Variants in DNA2 observed in about 807,000 individuals in gnomAD.
DNA2 encodes the protein DNA replication helicase/nuclease 2.
A neutral mutation model predicts 119.1 loss-of-function variants in DNA2; 101 were observed. The ratio of observed to expected loss-of-function variants is 0.85; its 90% CI spans 0.72 to 1.00. DNA2 has a LOEUF of 1.00. Among genes scored for constraint, DNA2 ranks in the 50% least tolerant of loss-of-function variants. The pLI, the probability that DNA2 is intolerant of heterozygous loss-of-function variation, is 0.00. For synonymous variants in DNA2, 366 were observed against 424.4 expected, an observed-to-expected ratio of 0.86 and a Z score of 1.69; for missense variants, 1,121 against 1,255.5, an observed-to-expected ratio of 0.89 and a Z score of 1.62.
intron 2 of DNA2, 102 bp from the exon 3 acceptor site, chr10:68,468,408 G>T: frequency 1.4e-6 from 1 of 736,856 alleles, no homozygotes; most frequent in Non-Finnish European, 1.9e-6. Flanking sequence ...TTTATCTGAA[G>T]AAGAAAAAAA....
chr10:68,465,923 T>C (rs1053395677), intron 3 of DNA2, 111 bp from the exon 4 acceptor site: 20 of 1,015,500 alleles, frequency 2.0e-5, no homozygotes, highest in Admixed American at 4.1e-5. Context: ...GTAAGACAAA[T>C]GCCAAAATAT....
chr10:68,448,774 T>TTTTA (rs964595076), intron 6 of DNA2, among the ~76,000 whole-genome samples: 7 of 147,892 alleles, frequency 4.7e-5, no homozygotes, highest in African/African-American at 1.0e-4. Flanking sequence ...ATTGAAATGC[T>TTTTA]TTTATTTATT....
chr10:68,469,075 A>G (rs1469624508), intron 2 of DNA2, among the ~76,000 whole-genome samples: 1 of 152,062 alleles, frequency 6.6e-6, no homozygotes, highest in Admixed American at 6.6e-5. Flanking sequence ...CAAAAAACAA[A>G]TTAATTCACG....
At chr10:68,421,184 C>G (rs1011672515) in intron 17 of DNA2, among the ~76,000 whole-genome samples, 2 of 152,060 alleles carry the variant, frequency 1.3e-5, no homozygotes, top group East Asian at 1.9e-4. Context: ...GATCCACCCC[C>G]CTCGGCCTCC....
At chr10:68,444,757 TG>T (rs2052016099) in intron 8 of DNA2, among the ~76,000 whole-genome samples, 163 bp downstream of exon 8, 2 of 150,784 alleles carry the variant, frequency 1.3e-5, no homozygotes, top group South Asian at 4.2e-4. Flanking sequence ...GAAAGTACTG[TG>T]GTTTTTTTTC....
intron 1 of DNA2, among the ~76,000 whole-genome samples, chr10:68,471,042 C>A (rs1331145268): frequency 1.3e-5 from 2 of 152,166 alleles, no homozygotes; most frequent in Non-Finnish European, 2.9e-5. Flanking sequence ...AAGAAAACAG[C>A]CCTTCTCCTA....
intron 4 of DNA2, among the ~76,000 whole-genome samples, chr10:68,462,022 A>G (rs986828905): frequency 2.3e-4 from 35 of 152,296 alleles, no homozygotes; most frequent in African/African-American, 8.2e-4. Context: ...TTTTTTTACA[A>G]TAGTTTTTTC....
chr10:68,421,471 T>C (rs957954665), intron 17 of DNA2, among the ~76,000 whole-genome samples: 2 of 151,998 alleles, frequency 1.3e-5, no homozygotes, highest in African/African-American at 4.8e-5. Context: ...AAGACTATTT[T>C]GGGCCGGGCA....
chr10:68,438,763 G>A (rs973851673), intron 9 of DNA2, among the ~76,000 whole-genome samples: 4 of 152,210 alleles, frequency 2.6e-5, no homozygotes, highest in African/African-American at 7.2e-5. Flanking sequence ...GCCGGGCGCC[G>A]TGGCTCATGC....
intron 5 of DNA2, among the ~76,000 whole-genome samples, chr10:68,458,066 A>G (rs565019956): frequency 6.6e-6 from 1 of 151,912 alleles, no homozygotes; most frequent in East Asian, 1.9e-4. Context: ...CCAGCTACTC[A>G]GGAGGCTGAG....
chr10:68,417,408 A>AAAC (rs1554902616), intron 19 of DNA2, among the ~76,000 whole-genome samples: 2 of 151,064 alleles, frequency 1.3e-5, no homozygotes, highest in African/African-American at 4.8e-5. Context: ...AAAAAAAAAA[A>AAAC]AAAACACTAT....
chr10:68,455,299 A>G (rs1043194083), intron 5 of DNA2, among the ~76,000 whole-genome samples: 22 of 152,186 alleles, frequency 1.4e-4, no homozygotes, highest in Non-Finnish European at 2.1e-4. Flanking sequence ...TATAAAGCAA[A>G]GCAAGGAACT....
At chr10:68,456,078 C>T (rs1231704578) in intron 5 of DNA2, among the ~76,000 whole-genome samples, 1 of 151,866 alleles carries the variant, frequency 6.6e-6, no homozygotes, top group Non-Finnish European at 1.5e-5. Flanking sequence ...AAAAATTAGC[C>T]AGGCAAAGTG....
chr10:68,462,401 T>A (rs1027454666), intron 4 of DNA2, among the ~76,000 whole-genome samples: 1 of 152,184 alleles, frequency 6.6e-6, no homozygotes, highest in African/African-American at 2.4e-5. Context: ...AATATACATG[T>A]TAATTTCAAA....
At chr10:68,415,145 G>A in intron 20 of DNA2, 38 bp from the exon 21 acceptor site, 2 of 1,258,812 alleles carry the variant, frequency 1.6e-6, no homozygotes, top group Non-Finnish European at 2.2e-6. Context: ...AGCACAATAT[G>A]GAATGGCATA....
Position 68,430,342 on chromosome 10 carries a change from G to A in DNA2, c.2208+94C>T, listed in dbSNP as rs1179207473. ...TATAAATTAATCATGTGCAAATCCA[G>A]TCAATGTGACTAAATTTCCCAGAGT... On this transcript the variant is annotated intron_variant, in intron 14 of 20. Coordinates refer to ENST00000358410, the MANE Select transcript of DNA2 (RefSeq NM_001080449.3). 5 of 855,326 alleles carry A rather than the reference G, an allele frequency of 5.8e-6. No individual in the cohort carries two copies. In the East Asian group the frequency reaches 1.1e-4, roughly 18 times the overall value. 53.0% of individuals were successfully genotyped at this position (855,326 alleles called of 1,614,324 possible). A position where few individuals can be genotyped will look rare whatever the true frequency, so the allele number is the denominator to read the frequency against.
At position 68,417,966 on chromosome 10, in the gene DNA2, T is replaced by C. The variant is rs1049064834; in HGVS notation, c.2967+1068A>G. ...TACTTAGATTAGTCAAATTCAGAGA[T>C]AGAATGTAGAATGGTGGTTACAGGT... On this transcript the variant is annotated intron_variant, in intron 19 of 20. Coordinates refer to ENST00000358410, the MANE Select transcript of DNA2 (RefSeq NM_001080449.3). Among the ~76,000 whole-genome samples the C allele has an allele frequency of 2.6e-5, 4 of 152,248 alleles. No homozygotes were observed. The East Asian group carries it at 5.8e-4, about 22-fold the overall frequency.
upstream of DNA2, chr10:68,472,163 C>T: frequency 7.5e-7 from 1 of 1,328,560 alleles, no homozygotes; most frequent in South Asian, 1.5e-5. Flanking sequence ...TCTCTTGACA[C>T]TCCAACCCGT....
intron 6 of DNA2, among the ~76,000 whole-genome samples, chr10:68,449,500 G>C (rs1168964497): frequency 6.6e-6 from 1 of 152,124 alleles, no homozygotes; most frequent in African/African-American, 2.4e-5. Context: ...AAAAGGCTGG[G>C]TGCAAGTGGC....
Sources: allele counts gnomAD v4.1 joint callset (sites outside exome capture counted in the v4.1 genomes callset), GRCh38; gene constraint gnomAD v4.1.1; transcripts MANE v1.5; gene names NCBI Gene and HGNC (gene_info 2026-07-23, HGNC 2026-07-21).